CNTN4: variants seen among roughly 807,000 people sequenced by gnomAD.
CNTN4 encodes the protein contactin-4.
Under a neutral mutation model 122.5 loss-of-function variants are expected in CNTN4, and 77 were observed. That is an observed-to-expected ratio of 0.63 (90% confidence interval 0.52 to 0.76). The LOEUF (loss-of-function observed/expected upper bound fraction) is 0.76. CNTN4 is among the 30% of genes least tolerant of loss of function. CNTN4 has a pLI of 0.00. For synonymous variants in CNTN4, 512 were observed against 447.0 expected (o/e 1.15, Z -1.83); for missense variants, 1,256 against 1,259.1 (o/e 1.00, Z 0.04).
Position 2,466,449 on chromosome 3 carries a change from C to G in CNTN4, c.-88-104967C>G, listed in dbSNP as rs545309056. On this transcript the variant is annotated intron_variant, in intron 3 of 24. Transcript: ENST00000418658. ...TTAGAACCCTTCAAAGCTTTAAAAA[C>G]CAAATCTGGGATTTCAAAATAAAAG... 5.9e-5 allele frequency among the ~76,000 whole-genome samples: 9 copies of G among 152,248 alleles called. No individual in the cohort carries two copies. In the South Asian group the frequency reaches 1.7e-3, roughly 28 times the overall value.
chr3:2,274,890 A>G (rs1296320084), intron 2 of CNTN4, among the ~76,000 whole-genome samples: 1 of 84,876 alleles, frequency 1.2e-5, no homozygotes, highest in African/African-American at 3.2e-5. Context: ...AATGGGGATC[A>G]TATCCTGAGT....
At chr3:2,677,181 A>G (rs2084901115) in intron 4 of CNTN4, among the ~76,000 whole-genome samples, 1 of 147,422 alleles carries the variant, frequency 6.8e-6, no homozygotes, top group South Asian at 2.1e-4. Context: ...AGATGTGTAT[A>G]TATATAGATA....
At chr3:2,219,585 GT>G (rs985100741) in intron 2 of CNTN4, among the ~76,000 whole-genome samples, 3 of 151,968 alleles carry the variant, frequency 2.0e-5, no homozygotes, top group South Asian at 4.1e-4. Context: ...ATCTCTACCT[GT>G]TTTTTCAACC....
chr3:2,801,381 C>T (rs892108085), intron 6 of CNTN4, among the ~76,000 whole-genome samples: 2 of 152,176 alleles, frequency 1.3e-5, no homozygotes, highest in African/African-American at 2.4e-5. Context: ...AGCAGTGAAA[C>T]ATTGCATCAA....
chr3:2,826,661 T>A (rs1250918394), intron 7 of CNTN4, among the ~76,000 whole-genome samples: 1 of 152,202 alleles, frequency 6.6e-6, no homozygotes, highest in African/African-American at 2.4e-5. Flanking sequence ...CTTTCGTTAT[T>A]AAGATATCAC....
intron 4 of CNTN4, among the ~76,000 whole-genome samples, chr3:2,638,608 G>A (rs948805708): frequency 6.6e-6 from 1 of 151,872 alleles, no homozygotes; most frequent in African/African-American, 2.4e-5. Flanking sequence ...CTCAAAAACT[G>A]TATCAGAGTG....
intron 4 of CNTN4, among the ~76,000 whole-genome samples, chr3:2,655,771 G>A (rs1448671609): frequency 6.6e-6 from 1 of 152,128 alleles, no homozygotes; most frequent in Non-Finnish European, 1.5e-5. Context: ...GTAGCCTAGT[G>A]CCTCTTTGCC....
intron 6 of CNTN4, among the ~76,000 whole-genome samples, chr3:2,781,869 CG>C (rs2091594555): frequency 1.1e-5 from 1 of 87,710 alleles, no homozygotes; most frequent in Non-Finnish European, 2.1e-5. Context: ...GGACTGCAGG[CG>C]CCCGCACCAC....
intron 6 of CNTN4, among the ~76,000 whole-genome samples, chr3:2,754,967 T>A (rs6769545): frequency 0.22 from 33,073 of 151,988 alleles, 3,969 homozygotes; most frequent in African/African-American, 0.3. Context: ...TCTCTTTAAC[T>A]GGGGCACACT....
At chr3:2,180,278 G>T (rs13061449) in intron 2 of CNTN4, among the ~76,000 whole-genome samples, 45,341 of 151,816 alleles carry the variant, frequency 0.3, 7,255 homozygotes, top group East Asian at 0.46. Context: ...AGGTCATGTA[G>T]GATACTAGGT....
intron 3 of CNTN4, among the ~76,000 whole-genome samples, chr3:2,471,714 G>A (rs1269512504): frequency 6.6e-6 from 1 of 152,172 alleles, no homozygotes; most frequent in East Asian, 1.9e-4. Context: ...TGTGCCAACG[G>A]GAAATTAAAA....
chr3:2,754,914 A>G (rs2090262087), intron 6 of CNTN4, among the ~76,000 whole-genome samples: 1 of 152,164 alleles, frequency 6.6e-6, no homozygotes, highest in South Asian at 2.1e-4. Flanking sequence ...TCTCATTGAA[A>G]AAGATCTTTC....
chr3:2,483,493 T>G (rs2076063633), intron 3 of CNTN4, among the ~76,000 whole-genome samples: 1 of 152,118 alleles, frequency 6.6e-6, no homozygotes, highest in South Asian at 2.1e-4. Context: ...TGAAACAAGA[T>G]TTGGGAGGGG....
intron 6 of CNTN4, among the ~76,000 whole-genome samples, chr3:2,780,523 G>GT (rs2149847137): frequency 6.6e-6 from 1 of 152,256 alleles, no homozygotes; most frequent in Non-Finnish European, 1.5e-5. Flanking sequence ...AAATAATCTG[G>GT]ATTTTAAGCT....
intron 6 of CNTN4, among the ~76,000 whole-genome samples, chr3:2,791,748 T>G (rs1329643998): frequency 6.6e-6 from 1 of 152,204 alleles, no homozygotes; most frequent in African/African-American, 2.4e-5. Flanking sequence ...TTAGTAGGAA[T>G]GCACTGCCTC....
chr3:2,354,050 A>G (rs892805990), intron 3 of CNTN4, among the ~76,000 whole-genome samples: 1 of 152,322 alleles, frequency 6.6e-6, no homozygotes, highest in Admixed American at 6.5e-5. Flanking sequence ...CGTAACCTAA[A>G]GTAGGTTCCA....
At chr3:2,249,955 A>G (rs1025959090) in intron 2 of CNTN4, among the ~76,000 whole-genome samples, 1 of 151,884 alleles carries the variant, frequency 6.6e-6, no homozygotes, top group Non-Finnish European at 1.5e-5. Context: ...GATGTCTGCC[A>G]GAAATGGATG....
chr3:2,893,132 C>T (rs930396677), intron 10 of CNTN4, among the ~76,000 whole-genome samples: 3 of 152,100 alleles, frequency 2.0e-5, no homozygotes, highest in African/African-American at 4.8e-5. Context: ...GTTATTGAGT[C>T]CAAAAAAACC....
At chr3:2,505,398 G>A (rs969257737) in intron 3 of CNTN4, among the ~76,000 whole-genome samples, 17 of 151,926 alleles carry the variant, frequency 1.1e-4, no homozygotes, top group Admixed American at 5.9e-4. Context: ...AAATATTGAG[G>A]GGAAATGGGA....
Sources: gnomAD v4.1 joint callset for allele counts (sites outside exome capture counted in the v4.1 genomes callset) on GRCh38, gnomAD v4.1.1 for gene constraint, MANE v1.5 for transcripts, NCBI Gene and HGNC (gene_info 2026-07-23, HGNC 2026-07-21) for gene names.